Variants in EDNRB observed in about 807,000 individuals in gnomAD.
EDNRB encodes the protein Hirschsprung disease 2.
EDNRB carries 18 observed loss-of-function variants against 46.4 expected under a neutral mutation model. The ratio of observed to expected loss-of-function variants is 0.39; its 90% confidence interval spans 0.27 to 0.57. The LOEUF is 0.57. Among genes scored for constraint, EDNRB ranks in the 20% least tolerant of loss-of-function variants. The pLI, the probability that EDNRB is intolerant of heterozygous loss-of-function variation, is 0.61. For missense variants in EDNRB, 434 were observed against 537.5 expected, an observed-to-expected ratio of 0.81 and a Z score of 1.90; for synonymous variants, 213 against 204.9, an observed-to-expected ratio of 1.04 and a Z score of -0.34.
intron 1 of EDNRB, chr13:77,939,769 G>C (rs1192145192): frequency 6.6e-6 from 1 of 152,056 alleles, no homozygotes; most frequent in African/African-American, 2.4e-5. Context: ...AAGCTGAGGT[G>C]GGTGGATCAC....
rs1228286621 is a variant in EDNRB at position 77,895,816 on chromosome 13, T to C, written c.*2384A>G. On this transcript the variant is annotated 3_prime_UTR_variant, in exon 7 of 7. Transcript: ENST00000646607. ...ATGTTTTGCTATAAACTGTATTCCT[T>C]TGGCCATATGTAAGCTATCAATACT... 1 of 152,086 alleles carries C rather than the reference T, an allele frequency of 6.6e-6. No individual in the cohort carries two copies. The highest frequency in any genetic ancestry group is 2.4e-5 in the African/African-American group (1 of 41,436). The allele number at this position is 152,086 out of a possible 1,614,324, so 9.4% of individuals were successfully genotyped here.
intron 1 of EDNRB, among the ~76,000 whole-genome samples, chr13:77,950,579 T>C (rs1212010825): frequency 6.6e-6 from 1 of 152,210 alleles, no homozygotes; most frequent in Non-Finnish European, 1.5e-5. Context: ...TAGCTCTTTT[T>C]CTTCTTTACC....
chr13:77,934,071 A>G (rs1880480276), intron 1 of EDNRB, among the ~76,000 whole-genome samples: 1 of 152,186 alleles, frequency 6.6e-6, no homozygotes, highest in Non-Finnish European at 1.5e-5. Flanking sequence ...TGGGGTTAGC[A>G]CCAAGAGATA....
intron 1 of EDNRB, among the ~76,000 whole-genome samples, chr13:77,942,952 T>G (rs1880796143): frequency 6.6e-6 from 1 of 152,190 alleles, no homozygotes; most frequent in Admixed American, 6.5e-5. Context: ...AAGATCTGCC[T>G]AATACATCAT....
At chr13:77,974,848 C>T (rs1881839882) in intron 1 of EDNRB, among the ~76,000 whole-genome samples, 1 of 152,122 alleles carries the variant, frequency 6.6e-6, no homozygotes, top group Admixed American at 6.5e-5. Context: ...ACATAAAGTT[C>T]TAAGTTTTCC....
In EDNRB at chr13:77,896,391, A is replaced by G. The variant is rs77041871; in HGVS notation, c.*1809T>C. On this transcript the variant is annotated 3_prime_UTR_variant, in exon 7 of 7. Coordinates refer to ENST00000646607, the MANE Select transcript of EDNRB (RefSeq NM_001122659.3). ...CTGAAAAAGTGATTGGGATGAAATT[A>G]AAGAACAAGTTTGTGGGTGATTTAT... 4 of 1,511,134 alleles carry G rather than the reference A, an allele frequency of 2.6e-6. No homozygotes were observed. Among genetic ancestry groups the G allele is most frequent in the Non-Finnish European group, 3.5e-6 (4 of 1,133,088 alleles). The allele number at this position is 1,511,134 out of a possible 1,614,324, so 93.6% of individuals were successfully genotyped here. A position where few individuals can be genotyped will look rare whatever the true frequency, so the allele number is the denominator to read the frequency against.
At chr13:77,924,733 G>A (rs113185922), upstream of EDNRB, among the ~76,000 whole-genome samples, 1,224 of 152,266 alleles carry the variant, frequency 8.0e-3, 16 homozygotes, top group African/African-American at 0.027. Context: ...TAATTCCCAT[G>A]TATTGTGGGA....
chr13:77,946,924 G>T lies in EDNRB; in HGVS notation c.-51-28300C>A, dbSNP rs897573218. The stretch of plus-strand genomic sequence containing the variant: ...TTCCAAGGGGCAAGGGTGAGAAATG[G>T]TTCTTTAAAGCAAGTATTTACTTGA... On this transcript the variant is annotated intron_variant, in intron 1 of 7. Coordinates refer to the EDNRB transcript ENST00000646948. 2.6e-5 allele frequency among the ~76,000 whole-genome samples: 4 copies of T among 152,154 alleles called. 1 individual carries two copies. Among genetic ancestry groups the T allele is most frequent in the Admixed American group, 2.6e-4 (4 of 15,278 alleles).
intron 2 of EDNRB, 65 bp from the exon 3 acceptor site, chr13:77,903,425 T>A: frequency 6.2e-7 from 1 of 1,610,710 alleles, no homozygotes; most frequent in Non-Finnish European, 8.5e-7. Flanking sequence ...TTGCACAGTT[T>A]ATTTTCTAAG....
intron 1 of EDNRB, among the ~76,000 whole-genome samples, chr13:77,904,027 G>C (rs971420683): frequency 4.6e-5 from 7 of 152,062 alleles, no homozygotes; most frequent in Admixed American, 3.3e-4. Flanking sequence ...CTTCCCTACT[G>C]AAGTAGTACT....
intron 1 of EDNRB, among the ~76,000 whole-genome samples, chr13:77,948,741 A>ATG (rs1421006148): frequency 9.9e-5 from 15 of 152,244 alleles, no homozygotes; most frequent in African/African-American, 3.6e-4. Flanking sequence ...TTCCAACTCA[A>ATG]GACTTGTAGC....
intron 1 of EDNRB, among the ~76,000 whole-genome samples, chr13:77,964,169 G>T (rs1359753430): frequency 6.6e-6 from 1 of 152,164 alleles, no homozygotes; most frequent in African/African-American, 2.4e-5. Flanking sequence ...TTACATTGTT[G>T]GTGGGGCTGT....
chr13:77,940,571 C>A (rs9565374), intron 1 of EDNRB, among the ~76,000 whole-genome samples: 1 of 152,120 alleles, frequency 6.6e-6, no homozygotes, highest in East Asian at 1.9e-4. Context: ...ACAGGAAGCT[C>A]TAATACACCA....
chr13:77,934,444 C>T (rs1442915933), intron 1 of EDNRB, among the ~76,000 whole-genome samples: 2 of 152,030 alleles, frequency 1.3e-5, no homozygotes, highest in Non-Finnish European at 2.9e-5. Context: ...TAATAAAAGC[C>T]GGTCTGCTAT....
chr13:77,969,932 T>G (rs974628104), intron 1 of EDNRB, among the ~76,000 whole-genome samples: 1 of 152,138 alleles, frequency 6.6e-6, no homozygotes, highest in African/African-American at 2.4e-5. Flanking sequence ...TCTGATTTTG[T>G]AAATAAACAA....
intron 1 of EDNRB, among the ~76,000 whole-genome samples, chr13:77,968,402 G>T (rs905123155): frequency 2.6e-5 from 4 of 152,022 alleles, no homozygotes; most frequent in African/African-American, 9.7e-5. Context: ...ATATTGTGAA[G>T]TAGATTCTCT....
At chr13:77,919,871 T>G, upstream of EDNRB, 1 of 360,902 alleles carries the variant, frequency 2.8e-6, no homozygotes, top group Non-Finnish European at 5.0e-6. Flanking sequence ...GGCTCTGCAC[T>G]GAACGTGATA....
rs1465351629 is a variant in EDNRB at position 77,973,853 on chromosome 13, C to T, written c.-52+1494G>A. Among the ~76,000 whole-genome samples the T allele has an allele frequency of 1.0e-3, 154 of 151,778 alleles. 2 individuals carry two copies. Among genetic ancestry groups the T allele is most frequent in the Non-Finnish European group, 2.5e-4 (17 of 67,896 alleles). The stretch of plus-strand genomic sequence containing the variant: ...TCTGACTTATTACAAATATTTCTTT[C>T]TTTAAACAACCAGCTAATTTATTTC... On this transcript the variant is annotated intron_variant, in intron 1 of 7. Coordinates refer to the EDNRB transcript ENST00000646948.
At chr13:77,922,947 C>G (rs191292070), upstream of EDNRB, among the ~76,000 whole-genome samples, 134 of 152,270 alleles carry the variant, frequency 8.8e-4, no homozygotes, top group Admixed American at 2.6e-3. Context: ...ATCAACTTAT[C>G]TGATACATCT....
Sources: gnomAD v4.1 joint callset for allele counts (sites outside exome capture counted in the v4.1 genomes callset) on GRCh38, gnomAD v4.1.1 for gene constraint, MANE v1.5 for transcripts, NCBI Gene and HGNC (gene_info 2026-07-23, HGNC 2026-07-21) for gene names.